The following NTN4 variants were observed in gnomAD, a reference collection of about 807,000 sequenced individuals.
The protein encoded by NTN4 is netrin-4.
NTN4 carries 32 observed loss-of-function variants against 73.6 expected under a neutral mutation model. That is an observed-to-expected ratio of 0.44 (90% confidence interval 0.33 to 0.58). The LOEUF is 0.58. Ranked by LOEUF, NTN4 falls within the 20% of genes least tolerant of loss-of-function variation. The probability of loss-of-function intolerance (pLI) is 0.04; values close to 1 mark genes in which losing one functional copy is unlikely to be tolerated. For missense variants in NTN4, 654 were observed against 798.3 expected (o/e 0.82, Z 2.18); for synonymous variants, 258 against 287.5 (o/e 0.90, Z 1.04).
chr12:95,752,511 T>C (rs2078917143), intron 2 of NTN4, among the ~76,000 whole-genome samples: 1 of 151,862 alleles, frequency 6.6e-6, no homozygotes, highest in African/African-American at 2.4e-5. Flanking sequence ...GCAAGTTACC[T>C]AGGCTCTACT....
chr12:95,729,146 G>A (rs2078717239), intron 3 of NTN4, among the ~76,000 whole-genome samples: 1 of 151,964 alleles, frequency 6.6e-6, no homozygotes, highest in Non-Finnish European at 1.5e-5. Flanking sequence ...CCTTAGAGAT[G>A]CAAAATTAAA....
chr12:95,756,554 T>C lies in NTN4; in HGVS notation c.586-18410A>G, dbSNP rs2078948146. The stretch of plus-strand genomic sequence containing the variant: ...TCATGGACAGGCCTCTTGGATGCTG[T>C]GTGCCTACACTGGTAACTTCCCAAT... On this transcript the variant is annotated intron_variant, in intron 2 of 9. Coordinates refer to ENST00000343702, the MANE Select transcript of NTN4 (RefSeq NM_021229.4). Among the ~76,000 whole-genome samples, 4 of 152,200 alleles carry C rather than the reference T, an allele frequency of 2.6e-5. No individual in the cohort carries two copies. The South Asian group carries it at 8.3e-4, about 32-fold the overall frequency.
At chr12:95,783,060 T>A (rs762416307) in intron 2 of NTN4, among the ~76,000 whole-genome samples, 23 of 152,308 alleles carry the variant, frequency 1.5e-4, no homozygotes, top group Admixed American at 6.5e-4. Context: ...AGCCTCAAGG[T>A]TATTATTATT....
chr12:95,741,639 A>ATAT (rs56675269), intron 2 of NTN4, among the ~76,000 whole-genome samples: 1 of 145,188 alleles, frequency 6.9e-6, no homozygotes. Flanking sequence ...ATATATATAT[A>ATAT]AAAATTATAT....
At chr12:95,732,711 T>C (rs2078747543) in intron 3 of NTN4, among the ~76,000 whole-genome samples, 1 of 152,200 alleles carries the variant, frequency 6.6e-6, no homozygotes, top group South Asian at 2.1e-4. Context: ...AAGAGCTTTC[T>C]AATGATACTT....
chr12:95,727,602 A>G (rs575911652), intron 3 of NTN4, among the ~76,000 whole-genome samples: 1 of 152,192 alleles, frequency 6.6e-6, no homozygotes, highest in African/African-American at 2.4e-5. Flanking sequence ...AATTTTTGTT[A>G]ATTTTGGCCA....
At chr12:95,709,132 A>G (rs1477697927) in intron 5 of NTN4, among the ~76,000 whole-genome samples, 2 of 152,210 alleles carry the variant, frequency 1.3e-5, no homozygotes, top group Non-Finnish European at 2.9e-5. Context: ...TTAAAAAAAT[A>G]TTTTTAAAGA....
At chr12:95,745,392 G>A (rs955612337) in intron 2 of NTN4, among the ~76,000 whole-genome samples, 2 of 151,518 alleles carry the variant, frequency 1.3e-5, no homozygotes, top group South Asian at 2.1e-4. Flanking sequence ...CTATTGCTAC[G>A]TATTAAACGT....
chr12:95,678,392 A>G (rs1277143685), intron 7 of NTN4, among the ~76,000 whole-genome samples: 2 of 152,046 alleles, frequency 1.3e-5, no homozygotes, highest in Non-Finnish European at 2.9e-5. Context: ...CCGGAAAAAA[A>G]TTATTTTCAA....
At chr12:95,770,501 G>T in intron 2 of NTN4, among the ~76,000 whole-genome samples, 1 of 152,170 alleles carries the variant, frequency 6.6e-6, no homozygotes, top group Non-Finnish European at 1.5e-5. Context: ...TTTTTATTTG[G>T]AGGTGGTGGT....
intron 2 of NTN4, among the ~76,000 whole-genome samples, chr12:95,757,005 A>G (rs2078951587): frequency 6.6e-6 from 1 of 152,132 alleles, no homozygotes. Context: ...TGCTACTTCA[A>G]GCACCCGTTA....
intron 2 of NTN4, among the ~76,000 whole-genome samples, chr12:95,783,072 A>G (rs2079144151): frequency 6.6e-6 from 1 of 152,162 alleles, no homozygotes; most frequent in African/African-American, 2.4e-5. Flanking sequence ...ATTATTATTG[A>G]CTGCTCCAAC....
At chr12:95,704,393 C>T (rs1422050206) in intron 5 of NTN4, among the ~76,000 whole-genome samples, 1 of 152,066 alleles carries the variant, frequency 6.6e-6, no homozygotes, top group African/African-American at 2.4e-5. Flanking sequence ...GGGGGGAAAA[C>T]ATCTAGCTAT....
At chr12:95,750,340 C>G (rs1483220693) in intron 2 of NTN4, among the ~76,000 whole-genome samples, 1 of 152,118 alleles carries the variant, frequency 6.6e-6, no homozygotes, top group Non-Finnish European at 1.5e-5. Flanking sequence ...GCTTCCTTCA[C>G]TATGGGCAAC....
chr12:95,735,942 TTTA>T (rs2078774305), intron 3 of NTN4, among the ~76,000 whole-genome samples: 1 of 149,376 alleles, frequency 6.7e-6, no homozygotes, highest in South Asian at 2.1e-4. Context: ...TATTTATTTA[TTTA>T]TTTATTTTTT....
intron 3 of NTN4, among the ~76,000 whole-genome samples, chr12:95,731,796 T>C (rs2078739074): frequency 6.6e-6 from 1 of 152,102 alleles, no homozygotes. Flanking sequence ...AAAAAGAGAA[T>C]GGGCTTTAGT....
chr12:95,758,450 T>C lies in NTN4; in HGVS notation c.586-20306A>G, dbSNP rs918470423. Among the ~76,000 whole-genome samples, 53 of 152,390 alleles carry C rather than the reference T, an allele frequency of 3.5e-4. 1 individual carries two copies. The highest frequency in any genetic ancestry group is 6.2e-4 in the South Asian group (3 of 4,832). Reference sequence around the variant, plus strand: ...TTCTTATTGAGTTATGAGTTCCTTATGAATTGTGATATGTAAATATATATT... The same window carrying C: ...TTCTTATTGAGTTATGAGTTCCTTACGAATTGTGATATGTAAATATATATT... On this transcript the variant is annotated intron_variant, in intron 2 of 9. Coordinates refer to ENST00000343702, the MANE Select transcript of NTN4 (RefSeq NM_021229.4).
chr12:95,672,325 GCT>G, intron 7 of NTN4: 1 of 784,908 alleles, frequency 1.3e-6, no homozygotes, highest in South Asian at 1.3e-5. Flanking sequence ...ACAAACTGGT[GCT>G]GATCCAGCAT....
chr12:95,682,497 C>A (rs1002590393), intron 7 of NTN4, among the ~76,000 whole-genome samples: 1 of 148,674 alleles, frequency 6.7e-6, no homozygotes, highest in Non-Finnish European at 1.5e-5. Flanking sequence ...TTACTCTAAT[C>A]ATCAGAAAAC....
Sources: gnomAD v4.1 joint callset for allele counts (sites outside exome capture counted in the v4.1 genomes callset) on GRCh38, gnomAD v4.1.1 for gene constraint, MANE v1.5 for transcripts, NCBI Gene and HGNC (gene_info 2026-07-23, HGNC 2026-07-21) for gene names.